The following PBX1 variants were observed in gnomAD, a reference collection of about 807,000 sequenced individuals.
PBX1 encodes the protein pre-B-cell leukemia transcription factor 1.
A neutral mutation model predicts 53.4 loss-of-function variants in PBX1; 6 were observed. That is an observed-to-expected ratio of 0.11 (90% CI 0.06 to 0.22). PBX1 has a LOEUF of 0.22. Among genes scored for constraint, PBX1 ranks in the 10% least tolerant of loss-of-function variants. The pLI, the probability that PBX1 is intolerant of heterozygous loss-of-function variation, is 1.00. For missense variants in PBX1, 251 were observed against 551.4 expected (o/e 0.46, Z 5.46); for synonymous variants, 204 against 212.3 (o/e 0.96, Z 0.34).
Position 164,559,839 on chromosome 1 carries a change from G to A in PBX1, c.17G>A (p.Arg6Lys). The A allele has an allele frequency of 3.2e-6, 5 of 1,549,694 alleles. No homozygotes were observed. The highest frequency in any genetic ancestry group is 4.4e-6 in the Non-Finnish European group (5 of 1,146,668). Residue 6 changes from arginine to lysine, a missense_variant, in exon 1 of 9, where the codon AGG becomes AAG. Transcript: ENST00000420696. MDEQP[R>K]LMHSHAGVGM... Reference sequence around the variant, plus strand: ...CCTTTGGAGATGGACGAGCAGCCCAGGCTGATGCATTCCCATGCTGGGGTC... The same window carrying A: ...CCTTTGGAGATGGACGAGCAGCCCAAGCTGATGCATTCCCATGCTGGGGTC...
At chr1:164,750,310 A>G (rs1666132623) in intron 2 of PBX1, among the ~76,000 whole-genome samples, 1 of 152,082 alleles carries the variant, frequency 6.6e-6, no homozygotes, top group African/African-American at 2.4e-5. Context: ...AGACCCCATT[A>G]GTGAGGGTAA....
chr1:164,784,044 T>C (rs16834879), intron 2 of PBX1, among the ~76,000 whole-genome samples: 6,229 of 152,278 alleles, frequency 0.041, 406 homozygotes, highest in African/African-American at 0.14. Context: ...TTCATGCTTT[T>C]TATGTGTAAC....
At chr1:164,739,072 T>C (rs1483557274) in intron 2 of PBX1, among the ~76,000 whole-genome samples, 5 of 152,228 alleles carry the variant, frequency 3.3e-5, no homozygotes, top group Non-Finnish European at 5.9e-5. Context: ...CTGGGCTCCA[T>C]GTACCCTGTG....
At chr1:164,618,133 G>C (rs1657405276) in intron 2 of PBX1, among the ~76,000 whole-genome samples, 1 of 152,144 alleles carries the variant, frequency 6.6e-6, no homozygotes, top group Non-Finnish European at 1.5e-5. Context: ...GCCTGCCATT[G>C]CTCTTGAATT....
At chr1:164,567,029 T>G (rs192773254) in intron 2 of PBX1, among the ~76,000 whole-genome samples, 10 of 152,246 alleles carry the variant, frequency 6.6e-5, no homozygotes, top group South Asian at 4.2e-4. Flanking sequence ...GTGTGTGTGT[T>G]TTTTTAATTC....
chr1:164,870,275 T>C lies in PBX1; in HGVS notation n.258-28913T>C, dbSNP rs1187444272. Among the ~76,000 whole-genome samples the C allele has an allele frequency of 1.3e-3, 23 of 17,178 alleles. 1 individual carries two copies. The highest frequency in any genetic ancestry group is 0.01 in the South Asian group (4 of 388). The allele number at this position is 17,178 out of a possible 152,430, so 11.3% of individuals were successfully genotyped here. ...CTTCCTTCCTTCCTTCCTTCTTTCT[T>C]TCTTTCTTTCTTTCTTTCTTTCTTT... is the stretch of plus-strand genomic sequence containing the variant. On this transcript the variant is annotated intron_variant and non_coding_transcript_variant, in intron 2 of 2. Transcript: ENST00000558796.
chr1:164,692,926 A>G (rs1211726012), intron 2 of PBX1, among the ~76,000 whole-genome samples: 1 of 152,226 alleles, frequency 6.6e-6, no homozygotes, highest in African/African-American at 2.4e-5. Flanking sequence ...AGTAAGTTGT[A>G]GAGGCAAGAC....
chr1:164,832,988 G>A (rs1257605811), intron 8 of PBX1, among the ~76,000 whole-genome samples: 1 of 151,448 alleles, frequency 6.6e-6, no homozygotes, highest in African/African-American at 2.4e-5. Flanking sequence ...AAACAATAAG[G>A]AGAGAAAATT....
At chr1:164,560,916 A>G (rs1037356775) in intron 1 of PBX1, among the ~76,000 whole-genome samples, 1 of 152,318 alleles carries the variant, frequency 6.6e-6, no homozygotes, top group South Asian at 2.1e-4. Context: ...ATAGGACATG[A>G]AGGTCTTCAT....
At chr1:164,560,252 A>G (rs1391250088) in intron 1 of PBX1, 4 of 418,606 alleles carry the variant, frequency 9.6e-6, no homozygotes, top group Non-Finnish European at 1.7e-5. Context: ...GTGTGTGAAT[A>G]TAGGGGTATT....
intron 2 of PBX1, among the ~76,000 whole-genome samples, chr1:164,594,365 G>T (rs1371353173): frequency 1.3e-5 from 2 of 152,142 alleles, no homozygotes; most frequent in African/African-American, 4.8e-5. Flanking sequence ...CATGATCTCG[G>T]CTCACTGCAA....
chr1:164,670,516 C>T (rs1479758172), intron 2 of PBX1, among the ~76,000 whole-genome samples: 7 of 152,268 alleles, frequency 4.6e-5, no homozygotes, highest in East Asian at 3.9e-4. Context: ...ACTGCTGCTA[C>T]GGCCTTTCCT....
At chr1:164,591,113 G>A (rs1336970357) in intron 2 of PBX1, among the ~76,000 whole-genome samples, 2 of 151,502 alleles carry the variant, frequency 1.3e-5, no homozygotes, top group Non-Finnish European at 2.9e-5. Flanking sequence ...CCAGGTTCAA[G>A]CGATTCTCCT....
chr1:164,693,530 C>T (rs902000924), intron 2 of PBX1, among the ~76,000 whole-genome samples: 4 of 152,128 alleles, frequency 2.6e-5, no homozygotes, highest in Non-Finnish European at 5.9e-5. Context: ...CTTCACAGCT[C>T]CCCCTTCTTT....
At chr1:164,588,440 A>G (rs958159629) in intron 2 of PBX1, among the ~76,000 whole-genome samples, 2 of 149,408 alleles carry the variant, frequency 1.3e-5, no homozygotes, top group Non-Finnish European at 3.0e-5. Flanking sequence ...GAGATGAGGA[A>G]AAAGAGAAAA....
At chr1:164,615,293 C>T (rs1657199535) in intron 2 of PBX1, among the ~76,000 whole-genome samples, 1 of 152,080 alleles carries the variant, frequency 6.6e-6, no homozygotes, top group African/African-American at 2.4e-5. Flanking sequence ...CAGTTTATTT[C>T]CATTTCTACT....
chr1:164,868,529 C>A lies in PBX1; in HGVS notation n.258-30659C>A, dbSNP rs773199593. 2.0e-4 allele frequency among the ~76,000 whole-genome samples: 30 copies of A among 152,322 alleles called. 1 individual carries two copies. The highest frequency in any genetic ancestry group is 3.5e-4 in the Non-Finnish European group (24 of 68,040). On this transcript the variant is annotated intron_variant and non_coding_transcript_variant, in intron 2 of 2. Coordinates refer to the PBX1 transcript ENST00000558796. ...TGAAACCTGGTTGATTTGCAAGCAG[C>A]ATGGTCCAAGGGATGGGTGAGACAA... is the stretch of plus-strand genomic sequence containing the variant.
chr1:164,767,922 A>G (rs931316915), intron 2 of PBX1, among the ~76,000 whole-genome samples: 2 of 152,124 alleles, frequency 1.3e-5, no homozygotes, highest in African/African-American at 4.8e-5. Flanking sequence ...CAAATGAAGG[A>G]CTCATGTTGT....
intron 2 of PBX1, among the ~76,000 whole-genome samples, chr1:164,762,665 G>C (rs1666869913): frequency 6.6e-6 from 1 of 152,106 alleles, no homozygotes; most frequent in African/African-American, 2.4e-5. Flanking sequence ...TGAGCAATTT[G>C]GAACCTAAAT....
Sources: allele counts gnomAD v4.1 joint callset (sites outside exome capture counted in the v4.1 genomes callset), GRCh38; gene constraint gnomAD v4.1.1; transcripts MANE v1.5; gene names NCBI Gene and HGNC (gene_info 2026-07-23, HGNC 2026-07-21).